The following PRDM6 variants were observed in gnomAD, a reference collection of about 807,000 sequenced individuals.
PRDM6 encodes PR/SET domain 6.
Under a neutral mutation model 60.8 loss-of-function variants are expected in PRDM6, and 25 were observed. That is an observed-to-expected ratio of 0.41 (90% CI 0.30 to 0.57). The LOEUF is 0.57. PRDM6 is among the 20% of genes least tolerant of loss of function. The pLI is 0.27. For synonymous variants in PRDM6, 407 were observed against 357.4 expected, an observed-to-expected ratio of 1.14 and a Z score of -1.57; for missense variants, 839 against 821.3, an observed-to-expected ratio of 1.02 and a Z score of -0.26.
At position 123,192,452 on chromosome 5, in the gene PRDM6, G is replaced by A. The variant is rs1483473425; in HGVS notation, c.*5251G>A. The stretch of plus-strand genomic sequence containing the variant: ...CAAGTATAATTTATTTATAAAATGT[G>A]TTTGTGGAAACAATACTGAAGTGCT... On this transcript the variant is annotated 3_prime_UTR_variant, in exon 8 of 8. Coordinates refer to ENST00000407847, the MANE Select transcript of PRDM6 (RefSeq NM_001136239.4). The A allele has an allele frequency of 6.6e-6, 1 of 151,936 alleles. No individual in the cohort carries two copies. The highest frequency in any genetic ancestry group is 1.5e-5 in the Non-Finnish European group (1 of 67,966). The allele number at this position is 151,936 out of a possible 1,614,324, so 9.4% of individuals were successfully genotyped here. A position where few individuals can be genotyped will look rare whatever the true frequency, so the allele number is the denominator to read the frequency against.
chr5:123,193,630 T>A lies in PRDM6; in HGVS notation c.*6429T>A, dbSNP rs1217348895. On this transcript the variant is annotated 3_prime_UTR_variant, in exon 8 of 8. Transcript: ENST00000407847. Reference sequence around the variant, plus strand: ...AGTTTAAATGCAGAGGCTAAGGTGATGACTAACGAATTAAGGAAAACTTTG... The same window carrying A: ...AGTTTAAATGCAGAGGCTAAGGTGAAGACTAACGAATTAAGGAAAACTTTG... 6.6e-6 allele frequency: 1 copy of A among 152,196 alleles called. No homozygotes were observed. Among genetic ancestry groups the A allele is most frequent in the East Asian group, 1.9e-4 (1 of 5,206 alleles). The allele number at this position is 152,196 out of a possible 1,614,324, so 9.4% of individuals were successfully genotyped here.
At chr5:123,132,585 T>A (rs1394042728) in intron 3 of PRDM6, among the ~76,000 whole-genome samples, 4 of 152,190 alleles carry the variant, frequency 2.6e-5, no homozygotes, top group African/African-American at 9.6e-5. Flanking sequence ...AAGTCTTGAA[T>A]GTTGCTAAAT....
At chr5:123,130,789 A>G (rs1764815190) in intron 3 of PRDM6, among the ~76,000 whole-genome samples, 1 of 152,026 alleles carries the variant, frequency 6.6e-6, no homozygotes, top group South Asian at 2.1e-4. Context: ...CTGGTCTCGA[A>G]CTCCTGACCT....
At chr5:123,116,300 A>G (rs1393631839) in intron 3 of PRDM6, among the ~76,000 whole-genome samples, 1 of 152,096 alleles carries the variant, frequency 6.6e-6, no homozygotes, top group Non-Finnish European at 1.5e-5. Context: ...TAAGGCCTTA[A>G]TTTTTTTCAA....
intron 5 of PRDM6, 31 bp from the exon 6 acceptor site, chr5:123,170,735 C>A: frequency 7.0e-7 from 1 of 1,420,192 alleles, no homozygotes; most frequent in Admixed American, 2.3e-5. Flanking sequence ...GCTAATAAAA[C>A]TGTTCTTCTA....
chr5:123,104,127 A>G (rs576526613), intron 3 of PRDM6, among the ~76,000 whole-genome samples: 1 of 152,266 alleles, frequency 6.6e-6, no homozygotes, highest in South Asian at 2.1e-4. Context: ...AGATTTAATA[A>G]GAGTTTTGCT....
At chr5:123,109,431 C>G (rs946426870) in intron 3 of PRDM6, among the ~76,000 whole-genome samples, 2 of 152,006 alleles carry the variant, frequency 1.3e-5, no homozygotes, top group African/African-American at 4.8e-5. Context: ...AATTTTGTCT[C>G]TAGTGGACTC....
chr5:123,143,858 AC>A (rs1187395491), intron 3 of PRDM6, among the ~76,000 whole-genome samples: 1 of 152,174 alleles, frequency 6.6e-6, no homozygotes, highest in Admixed American at 6.5e-5. Flanking sequence ...GAAACATAGA[AC>A]TGTGCTATTC....
intron 3 of PRDM6, among the ~76,000 whole-genome samples, chr5:123,125,312 T>C (rs1279919079): frequency 3.9e-5 from 6 of 152,204 alleles, no homozygotes; most frequent in Non-Finnish European, 4.4e-5. Context: ...GTTTGTTGTG[T>C]TGCCTCATTT....
Position 123,099,945 on chromosome 5 carries a change from CG to C in PRDM6, c.885del (p.Gln296SerfsTer28). The C allele has an allele frequency of 6.6e-7, 1 of 1,525,856 alleles. No individual in the cohort carries two copies. The allele number at this position is 1,525,856 out of a possible 1,614,324, so 94.5% of individuals were successfully genotyped here. On this transcript the variant is annotated frameshift_variant, in exon 3 of 8. Coordinates refer to ENST00000407847, the MANE Select transcript of PRDM6 (RefSeq NM_001136239.4). LOFTEE classifies it high-confidence loss of function. This position sits in a 1 kb window ranked among gnomAD's most constrained non-coding sequence, Gnocchi z 4.0. Reference sequence around the variant, plus strand: ...GTGCAGGCAGGCGCCGTGAGGAACACGCAGCATCTCTGGGAGGTAAGTGGCC... The same window carrying C: ...GTGCAGGCAGGCGCCGTGAGGAACACCAGCATCTCTGGGAGGTAAGTGGCC... Reference protein sequence around the residue: ...EKVQAGAVRNTQHLWEIYDQD... With the variant: ...EKVQAGAVRNXQHLWEIYDQD...
Position 123,187,576 on chromosome 5 carries a change from T to C in PRDM6, c.*375T>C. The C allele has an allele frequency of 5.3e-6, 1 of 190,288 alleles. No homozygotes were observed. Among genetic ancestry groups the C allele is most frequent in the African/African-American group, 2.4e-5 (1 of 42,492 alleles). The allele number at this position is 190,288 out of a possible 1,614,324, so 11.8% of individuals were successfully genotyped here. On this transcript the variant is annotated 3_prime_UTR_variant, in exon 8 of 8. Coordinates refer to ENST00000407847, the MANE Select transcript of PRDM6 (RefSeq NM_001136239.4). ...TTGTGACTAAGAATGCACAGGGACT[T>C]GGTTCTCGTTGCACCTTTTTTTAGT...
chr5:123,171,190 C>A, intron 6 of PRDM6, 82 bp downstream of exon 6: 1 of 1,127,496 alleles, frequency 8.9e-7, no homozygotes, highest in Non-Finnish European at 1.2e-6. Context: ...TGAGCACCTC[C>A]ACAGGGGAAG....
At chr5:123,133,309 G>A (rs112342201) in intron 3 of PRDM6, among the ~76,000 whole-genome samples, 1,796 of 152,082 alleles carry the variant, frequency 0.012, 47 homozygotes, top group African/African-American at 0.041. Flanking sequence ...ATGCAAACAC[G>A]TATGTTTTTC....
intron 2 of PRDM6, among the ~76,000 whole-genome samples, chr5:123,090,847 C>T (rs769851708): frequency 1.3e-5 from 2 of 152,224 alleles, no homozygotes; most frequent in Non-Finnish European, 2.9e-5. Flanking sequence ...CTCTCCCTCC[C>T]TCTCCTCACC....
At chr5:123,137,446 G>A (rs1031108625) in intron 3 of PRDM6, among the ~76,000 whole-genome samples, 3 of 152,232 alleles carry the variant, frequency 2.0e-5, no homozygotes, top group African/African-American at 7.2e-5. Context: ...GGCCTTGGAA[G>A]CCAGTGCAGT....
At chr5:123,161,479 T>G (rs1157291643) in intron 5 of PRDM6, among the ~76,000 whole-genome samples, 1 of 152,068 alleles carries the variant, frequency 6.6e-6, no homozygotes, top group Non-Finnish European at 1.5e-5. Flanking sequence ...AGTTACAGTT[T>G]CAGAGAGTGA....
chr5:123,179,571 G>A (rs1172223864), intron 6 of PRDM6, among the ~76,000 whole-genome samples: 1 of 152,182 alleles, frequency 6.6e-6, no homozygotes, highest in African/African-American at 2.4e-5. Flanking sequence ...ACTTGCCTGT[G>A]TGTTTACCTG....
Position 123,171,070 on chromosome 5 carries a change from C to T in PRDM6, c.1458C>T (p.Ile486=), listed in dbSNP as rs374639042. ...GCTTTAAGACTTTCACCCAGCGGAT[C>T]CTCTTACAGATGCACGTGTGCACGC... ...GQCFKTFTQR[I]LLQMHVCTQN... Residue 486 remains isoleucine (I), a synonymous_variant, in exon 6 of 8, where the codon ATC becomes ATT. Transcript: ENST00000407847. 1.8e-5 allele frequency: 28 copies of T among 1,551,194 alleles called. No individual in the cohort carries two copies. The African/African-American group carries it at 3.3e-4, about 18-fold the overall frequency.
At position 123,090,324 on chromosome 5, in the gene PRDM6, G is replaced by C. The variant is rs531428162; in HGVS notation, c.310G>C (p.Ala104Pro). The part of the protein sequence containing the change: ...SSCAAAAAAA[A>P]LAGLSALPVS... The stretch of plus-strand genomic sequence containing the variant: ...CTGCGCTGCTGCGGCCGCTGCCGCC[G>C]CGCTGGCTGGTCTCTCGGCCCTGCC... The change falls in exon 2 of 8, where the codon GCG (alanine) becomes CCG (proline). Residue 104 changes from alanine (A) to proline (P), a missense_variant. Physicochemically the swap from Ala to Pro is conservative, Grantham distance 27. This residue lies in a region of PRDM6 where 730 missense variants were observed against 648.8 expected (regional missense o/e 1.13). Coordinates refer to ENST00000407847, the MANE Select transcript of PRDM6 (RefSeq NM_001136239.4). The C allele has an allele frequency of 6.8e-7, 1 of 1,479,342 alleles. No individual in the cohort carries two copies. The highest frequency in any genetic ancestry group is 1.3e-5 in the South Asian group (1 of 78,560). The allele number at this position is 1,479,342 out of a possible 1,614,324, so 91.6% of individuals were successfully genotyped here. A position where few individuals can be genotyped will look rare whatever the true frequency, so the allele number is the denominator to read the frequency against.
Sources: gnomAD v4.1 joint callset for allele counts (sites outside exome capture counted in the v4.1 genomes callset) on GRCh38, gnomAD v4.1.1 for gene constraint, gnomAD v4.1.1 regional missense constraint, Gnocchi (gnomAD v3.1) non-coding constraint, MANE v1.5 for transcripts, NCBI Gene and HGNC (gene_info 2026-07-23, HGNC 2026-07-21) for gene names.